The following LRP2 variants were observed in gnomAD, a reference collection of about 807,000 sequenced individuals.
The protein encoded by LRP2 is low-density lipoprotein receptor-related protein 2.
LRP2 carries 172 observed loss-of-function variants against 531.0 expected under a neutral mutation model. That is an observed-to-expected ratio of 0.32 (90% CI 0.29 to 0.37). The LOEUF (loss-of-function observed/expected upper bound fraction) is 0.37, where lower values mean the gene tolerates loss of function less well. Ranked by LOEUF, LRP2 falls within the 10% of genes least tolerant of loss-of-function variation. The probability of loss-of-function intolerance (pLI) is 1.00; values close to 1 mark genes in which losing one functional copy is unlikely to be tolerated. For missense variants in LRP2, 5,167 were observed against 5,868.3 expected, an observed-to-expected ratio of 0.88 and a Z score of 3.90; for synonymous variants, 1,992 against 2,027.6, an observed-to-expected ratio of 0.98 and a Z score of 0.47.
chr2:169,259,896 CTTCA>C (rs1559043888), intron 16 of LRP2, among the ~76,000 whole-genome samples: 1 of 151,966 alleles, frequency 6.6e-6, no homozygotes, highest in African/African-American at 2.4e-5. Flanking sequence ...TACTTTTTCT[CTTCA>C]TTTATTCAGC....
chr2:169,145,667 A>G, intron 70 of LRP2, 80 bp downstream of exon 70: 5 of 1,381,792 alleles, frequency 3.6e-6, no homozygotes, highest in Middle Eastern at 2.1e-4. Context: ...ATCTACTGCC[A>G]TCTTCCAGCA....
chr2:169,158,108 A>G (rs1331863348), intron 63 of LRP2, among the ~76,000 whole-genome samples: 1 of 151,434 alleles, frequency 6.6e-6, no homozygotes, highest in African/African-American at 2.4e-5. Context: ...AAATATATAC[A>G]TGTATATCAA....
At chr2:169,157,622 A>T in intron 63 of LRP2, 120 bp from the exon 64 acceptor site, 1 of 1,148,764 alleles carries the variant, frequency 8.7e-7, no homozygotes, top group Non-Finnish European at 1.3e-6. Flanking sequence ...ACCCCTTTCC[A>T]TAAGCCTTGG....
intron 33 of LRP2, among the ~76,000 whole-genome samples, chr2:169,222,981 T>A (rs539161309): frequency 6.6e-6 from 1 of 152,202 alleles, no homozygotes; most frequent in Non-Finnish European, 1.5e-5. Flanking sequence ...ATCACACTTA[T>A]GACACTGGAG....
At chr2:169,139,895 G>T (rs578255446) in intron 72 of LRP2, among the ~76,000 whole-genome samples, 1 of 152,224 alleles carries the variant, frequency 6.6e-6, no homozygotes, top group African/African-American at 2.4e-5. Context: ...CTTCCTTAGA[G>T]AGTACAAATG....
At chr2:169,322,523 T>A (rs1042244068) in intron 1 of LRP2, among the ~76,000 whole-genome samples, 1 of 152,160 alleles carries the variant, frequency 6.6e-6, no homozygotes. Context: ...CACAACAACC[T>A]CCCTTGCAAA....
At chr2:169,233,641 G>A in intron 29 of LRP2, 53 bp from the exon 30 acceptor site, 1 of 1,495,754 alleles carries the variant, frequency 6.7e-7, no homozygotes, top group Non-Finnish European at 9.3e-7. Context: ...AAGCCAAGGT[G>A]CACTGAGTCA....
intron 42 of LRP2, 27 bp downstream of exon 42, chr2:169,203,955 T>C: frequency 6.2e-7 from 1 of 1,612,052 alleles, no homozygotes; most frequent in Non-Finnish European, 8.5e-7. Context: ...ATTCTCCATG[T>C]TCTAATTTTC....
At chr2:169,348,090 T>C (rs1408340910) in intron 1 of LRP2, among the ~76,000 whole-genome samples, 1 of 152,224 alleles carries the variant, frequency 6.6e-6, no homozygotes, top group Non-Finnish European at 1.5e-5. Flanking sequence ...TCACCTGTCA[T>C]TGTCTTGGTC....
rs142698246 is a variant in LRP2 at position 169,277,786 on chromosome 2, C to T, written c.1731G>A (p.Arg577=). The T allele has an allele frequency of 2.9e-4, 467 of 1,614,108 alleles. 1 individual carries two copies. Among genetic ancestry groups the T allele is most frequent in the Non-Finnish European group, 1.7e-4 (203 of 1,179,994 alleles). The part of the protein sequence containing the change: ...ISKRVYWVDS[R]FDYIETVTYD... ...AAGTTACAGTTTCAATGTAATCAAA[C>T]CGAGAGTCAACCCAGTAAACACGCT... is the stretch of plus-strand genomic sequence containing the variant. Residue 577 remains arginine, a synonymous_variant, in exon 13 of 79, where the codon CGG becomes CGA. Coordinates refer to ENST00000649046, the MANE Select transcript of LRP2 (RefSeq NM_004525.3).
At chr2:169,210,524 G>C (rs145394406) in intron 37 of LRP2, among the ~76,000 whole-genome samples, 5 of 152,284 alleles carry the variant, frequency 3.3e-5, no homozygotes, top group Admixed American at 6.5e-5. Context: ...CATTTCATGA[G>C]AACTGCAGGG....
chr2:169,188,069 G>A lies in LRP2; in HGVS notation c.9229C>T (p.Pro3077Ser), dbSNP rs759992033. The A allele has an allele frequency of 1.2e-6, 2 of 1,613,986 alleles. No individual in the cohort carries two copies. The highest frequency in any genetic ancestry group is 2.7e-5 in the African/African-American group (2 of 74,896). The stretch of plus-strand genomic sequence containing the variant: ...CCATTGTCACACTTGAACTCGTGAG[G>A]TGGACACGTGGGTTCTGGGGTGTGG... ...LCHTPEPTCP[P>S]HEFKCDNGRC... The change falls in exon 49 of 79, where the codon CCT becomes TCT. Residue 3077 changes from proline to serine, a missense_variant. Physicochemically the swap from Pro to Ser is moderately conservative, Grantham distance 74. Around this residue, in one of 6 missense-constraint regions of LRP2, gnomAD observed 1,129 missense variants for 1,362.7 expected, o/e 0.83. Transcript: ENST00000649046.
Position 169,212,097 on chromosome 2 carries a change from G to C in LRP2, c.6151C>G (p.Leu2051Val), listed in dbSNP as rs1284998673. 3 of 1,613,932 alleles carry C rather than the reference G, an allele frequency of 1.9e-6. No homozygotes were observed. The highest frequency in any genetic ancestry group is 2.5e-6 in the Non-Finnish European group (3 of 1,179,956). ...GAGCAGGACCGATTATCAGGATTGA[G>C]TTTAAATCCAGTGGCACAGGCGCAG... ...FSCACATGFK[L>V]NPDNRSCSPY... is the part of the protein sequence containing the mutation. The change falls in exon 37 of 79, where the codon CTC (leucine) becomes GTC (valine). Residue 2051 changes from leucine (L) to valine (V), a missense_variant. Leu to Val is a conservative substitution (Grantham distance 32). This residue lies in a region of LRP2 where 2,811 missense variants were observed against 3,058.0 expected (regional missense o/e 0.92). Transcript: ENST00000649046.
At chr2:169,345,725 C>T (rs1224811650) in intron 1 of LRP2, among the ~76,000 whole-genome samples, 1 of 149,106 alleles carries the variant, frequency 6.7e-6, no homozygotes, top group Non-Finnish European at 1.5e-5. Flanking sequence ...ACCCCTTGGC[C>T]CCACCTCAAA....
chr2:169,150,004 G>C (rs1204700014), intron 68 of LRP2, among the ~76,000 whole-genome samples: 3 of 152,106 alleles, frequency 2.0e-5, no homozygotes, highest in Non-Finnish European at 4.4e-5. Flanking sequence ...GCATCTCTTT[G>C]CTCCTAATAT....
At chr2:169,204,309 T>G (rs1187933783) in intron 41 of LRP2, 38 bp from the exon 42 acceptor site, 1 of 1,596,612 alleles carries the variant, frequency 6.3e-7, no homozygotes, top group Non-Finnish European at 8.5e-7. Flanking sequence ...AGTTGAAATC[T>G]CAAGTGAGTT....
In LRP2 at chr2:169,158,514, C is replaced by G. The variant is rs1431901262; in HGVS notation, c.11888-1012G>C. 4.0e-5 allele frequency among the ~76,000 whole-genome samples: 6 copies of G among 151,738 alleles called. No homozygotes were observed. The East Asian group carries it at 1.2e-3, about 29-fold the overall frequency. On this transcript the variant is annotated intron_variant, in intron 63 of 78. Coordinates refer to ENST00000649046, the MANE Select transcript of LRP2 (RefSeq NM_004525.3). Reference sequence around the variant, plus strand: ...ATGTTATTAATTGTAAGATATATATCTTGGTTTCAAAGATGTTAAAATATA... The same window carrying G: ...ATGTTATTAATTGTAAGATATATATGTTGGTTTCAAAGATGTTAAAATATA...
rs189504411 is a variant in LRP2, at chr2:169,191,150, A to C, written c.9032+682T>G. The stretch of plus-strand genomic sequence containing the variant: ...TCCAGATTTCCAACTTCTGTCAAAA[A>C]GAGAGCATCAGAAAGTCTGGCCTTC... On this transcript the variant is annotated intron_variant, in intron 48 of 78. Transcript: ENST00000649046. 2.0e-3 allele frequency among the ~76,000 whole-genome samples: 309 copies of C among 152,372 alleles called. 3 individuals carry two copies. The highest frequency in any genetic ancestry group is 8.9e-3 in the Admixed American group (136 of 15,310).
chr2:169,273,007 C>A lies in LRP2; in HGVS notation c.2036G>T (p.Arg679Ile). 1 of 1,613,754 alleles carries A rather than the reference C, an allele frequency of 6.2e-7. No individual in the cohort carries two copies. The highest frequency in any genetic ancestry group is 8.5e-7 in the Non-Finnish European group (1 of 1,179,778). Residue 679 changes from arginine (R) to isoleucine (I), a missense_variant, in exon 15 of 79, where the codon AGA becomes ATA. Physicochemically the swap from Arg to Ile is moderately conservative, Grantham distance 97. Transcript: ENST00000649046. The part of the protein sequence containing the change: ...GCEQVCVLSH[R>I]TDNDGLGFRC... ...GAAACCCAAACCATCATTATCTGTT[C>A]TGTGGCTGAGGACACAGACCTGCTC...
Sources: gnomAD v4.1 joint callset for allele counts (sites outside exome capture counted in the v4.1 genomes callset) on GRCh38, gnomAD v4.1.1 for gene constraint, gnomAD v4.1.1 regional missense constraint, MANE v1.5 for transcripts, NCBI Gene and HGNC (gene_info 2026-07-23, HGNC 2026-07-21) for gene names.